CADM1: variants seen among roughly 807,000 people sequenced by gnomAD.
The protein encoded by CADM1 is cell adhesion molecule 1, also known as TSLC-1.
A neutral mutation model predicts 53.1 loss-of-function variants in CADM1; 15 were observed. The ratio of observed to expected loss-of-function variants is 0.28; its 90% confidence interval spans 0.19 to 0.44. The LOEUF is 0.44. CADM1 is among the 20% of genes least tolerant of loss of function. The pLI is 1.00. For synonymous variants in CADM1, 281 were observed against 243.0 expected (o/e 1.16, Z -1.45); for missense variants, 434 against 611.3 (o/e 0.71, Z 3.06).
At chr11:115,262,321 T>A (rs1943000467) in intron 1 of CADM1, among the ~76,000 whole-genome samples, 1 of 152,204 alleles carries the variant, frequency 6.6e-6, no homozygotes, top group South Asian at 2.1e-4. Flanking sequence ...GCATTTAGAA[T>A]CTAAAAGGAT....
In CADM1 at chr11:115,487,575, T is replaced by C. The variant is rs574710843; in HGVS notation, c.124+16696A>G. The stretch of plus-strand genomic sequence containing the variant: ...AAAGGTGAAAAAAAATCTGCTACTA[T>C]CTTAGTCTGAAATTCTAACTTTCTA... On this transcript the variant is annotated intron_variant, in intron 1 of 11. Transcript: ENST00000331581. Among the ~76,000 whole-genome samples the C allele has an allele frequency of 2.6e-5, 4 of 152,316 alleles. No homozygotes were observed. In the South Asian group the frequency reaches 8.3e-4, roughly 32 times the overall value.
intron 1 of CADM1, among the ~76,000 whole-genome samples, chr11:115,448,795 T>TA (rs1465953153): frequency 1.3e-5 from 2 of 152,162 alleles, no homozygotes; most frequent in Non-Finnish European, 2.9e-5. Context: ...TAAAGGAGTA[T>TA]AAAAATACAT....
At chr11:115,194,738 G>A (rs1940067144) in intron 9 of CADM1, among the ~76,000 whole-genome samples, 1 of 152,102 alleles carries the variant, frequency 6.6e-6, no homozygotes, top group African/African-American at 2.4e-5. Context: ...TGACTGCAGT[G>A]CAGCAAAAGC....
intron 1 of CADM1, among the ~76,000 whole-genome samples, chr11:115,266,384 T>C (rs1943141349): frequency 6.6e-6 from 1 of 152,204 alleles, no homozygotes; most frequent in Non-Finnish European, 1.5e-5. Flanking sequence ...TGTGCAGCAC[T>C]CCTGTGCTAC....
intron 8 of CADM1, among the ~76,000 whole-genome samples, chr11:115,202,263 T>C (rs1044244245): frequency 2.6e-5 from 4 of 152,162 alleles, no homozygotes; most frequent in Admixed American, 6.5e-5. Flanking sequence ...AGCTCCACTG[T>C]GGCACATTCT....
chr11:115,276,511 T>C (rs573026816), intron 1 of CADM1, among the ~76,000 whole-genome samples: 1 of 152,226 alleles, frequency 6.6e-6, no homozygotes, highest in East Asian at 1.9e-4. Flanking sequence ...TAGAAAAATA[T>C]ACACAAGAAT....
intron 1 of CADM1, among the ~76,000 whole-genome samples, chr11:115,450,491 T>C (rs1207731843): frequency 2.0e-5 from 3 of 152,234 alleles, no homozygotes; most frequent in Non-Finnish European, 1.5e-5. Flanking sequence ...GAACGTTTCA[T>C]TGAATTTTAC....
At chr11:115,503,282 C>T (rs1281080835) in intron 1 of CADM1, among the ~76,000 whole-genome samples, 4 of 152,236 alleles carry the variant, frequency 2.6e-5, no homozygotes, top group African/African-American at 7.2e-5. Flanking sequence ...AGCCACACAT[C>T]GGGCTCCAGC....
chr11:115,452,338 T>C (rs1414968129), intron 1 of CADM1, among the ~76,000 whole-genome samples: 1 of 152,162 alleles, frequency 6.6e-6, no homozygotes, highest in Non-Finnish European at 1.5e-5. Context: ...TCCATTTGAA[T>C]TACAGCTCAC....
At chr11:115,303,824 T>C (rs1944296323) in intron 1 of CADM1, among the ~76,000 whole-genome samples, 1 of 152,066 alleles carries the variant, frequency 6.6e-6, no homozygotes, top group Admixed American at 6.6e-5. Context: ...TTTGAGAATA[T>C]ACAACTGTAT....
intron 10 of CADM1, among the ~76,000 whole-genome samples, chr11:115,184,474 C>T (rs916279038): frequency 6.6e-6 from 1 of 152,182 alleles, no homozygotes; most frequent in African/African-American, 2.4e-5. Flanking sequence ...ATTTAATTCC[C>T]TCTTGTCAGA....
chr11:115,389,146 CAG>C lies in CADM1; in HGVS notation c.124+115123_124+115124del, dbSNP rs1231064662. ...ATAAAGAAGGAAGGAGTGAAAAAGA[CAG>C]AGGGAGAGTTCACAGACACAAATGA... is the stretch of plus-strand genomic sequence containing the variant. On this transcript the variant is annotated intron_variant, in intron 1 of 11. Transcript: ENST00000331581. Among the ~76,000 whole-genome samples, 5 of 152,098 alleles carry C rather than the reference CAG, an allele frequency of 3.3e-5. No individual in the cohort carries two copies. In the South Asian group the frequency reaches 1.0e-3, roughly 32 times the overall value.
chr11:115,275,198 T>G (rs1445068189), intron 1 of CADM1, among the ~76,000 whole-genome samples: 1 of 152,188 alleles, frequency 6.6e-6, no homozygotes, highest in African/African-American at 2.4e-5. Context: ...CATTTCTCTA[T>G]GCCTACCTCC....
At chr11:115,416,232 A>T (rs1270431389) in intron 1 of CADM1, among the ~76,000 whole-genome samples, 3 of 152,236 alleles carry the variant, frequency 2.0e-5, no homozygotes. Context: ...TCAAAGACAT[A>T]TTTTTGTGAA....
chr11:115,325,277 T>C (rs1944931808), intron 1 of CADM1, among the ~76,000 whole-genome samples: 1 of 152,100 alleles, frequency 6.6e-6, no homozygotes, highest in East Asian at 1.9e-4. Context: ...CAACGTGAAC[T>C]CTAGGAGCAC....
At chr11:115,445,891 G>T in intron 1 of CADM1, 2 of 329,640 alleles carry the variant, frequency 6.1e-6, no homozygotes, top group Non-Finnish European at 6.1e-6. Context: ...ACAATGTACT[G>T]CTTTAAGACA....
chr11:115,367,232 A>C (rs1339757446), intron 1 of CADM1, among the ~76,000 whole-genome samples: 1 of 152,204 alleles, frequency 6.6e-6, no homozygotes, highest in Non-Finnish European at 1.5e-5. Context: ...CTCTAAAAAT[A>C]ATCATCATAT....
intron 1 of CADM1, among the ~76,000 whole-genome samples, chr11:115,284,111 T>TCC (rs1943663393): frequency 8.9e-6 from 1 of 112,764 alleles, no homozygotes; most frequent in African/African-American, 4.5e-5. Flanking sequence ...TCTCTCTCTC[T>TCC]CTCTGTGTGT....
chr11:115,364,570 T>C (rs540689956), intron 1 of CADM1, among the ~76,000 whole-genome samples: 36 of 150,716 alleles, frequency 2.4e-4, no homozygotes, highest in South Asian at 2.1e-4. Flanking sequence ...AAAAAAAGCC[T>C]TTTTGTTTAA....
Sources: gnomAD v4.1 joint callset for allele counts (sites outside exome capture counted in the v4.1 genomes callset) on GRCh38, gnomAD v4.1.1 for gene constraint, MANE v1.5 for transcripts, NCBI Gene and HGNC (gene_info 2026-07-23, HGNC 2026-07-21) for gene names.